Variants in ADAM32 observed in about 807,000 individuals in gnomAD.
The protein encoded by ADAM32 is disintegrin and metalloproteinase domain-containing protein 32.
Under a neutral mutation model 114.9 loss-of-function variants are expected in ADAM32, and 89 were observed. The observed-to-expected ratio is 0.77, with a 90% CI of 0.65 to 0.92. The LOEUF (loss-of-function observed/expected upper bound fraction) is 0.92. Among genes scored for constraint, ADAM32 ranks in the 40% least tolerant of loss-of-function variants. The pLI, the probability that ADAM32 is intolerant of heterozygous loss-of-function variation, is 0.00. For missense variants in ADAM32, 870 were observed against 932.8 expected (o/e 0.93, Z 0.88); for synonymous variants, 285 against 307.5 (o/e 0.93, Z 0.77).
At chr8:39,173,393 G>T (rs1011921097) in intron 10 of ADAM32, among the ~76,000 whole-genome samples, 2 of 150,308 alleles carry the variant, frequency 1.3e-5, no homozygotes, top group East Asian at 1.9e-4. Context: ...ATCTCATTGT[G>T]ATTTTAATTT....
chr8:39,235,384 TG>T (rs1810055876), intron 16 of ADAM32, among the ~76,000 whole-genome samples: 1 of 152,234 alleles, frequency 6.6e-6, no homozygotes, highest in East Asian at 1.9e-4. Flanking sequence ...TAAAGCTTAC[TG>T]TAGGTAAAGT....
chr8:39,117,184 G>A (rs1467785832), intron 1 of ADAM32, among the ~76,000 whole-genome samples: 1 of 152,180 alleles, frequency 6.6e-6, no homozygotes, highest in Admixed American at 6.5e-5. Flanking sequence ...GCCCGGCCCT[G>A]TTAAGCAGAT....
intron 9 of ADAM32, chr8:39,166,988 G>T (rs2129446294): frequency 6.6e-6 from 1 of 152,298 alleles, no homozygotes; most frequent in Non-Finnish European, 1.5e-5. Flanking sequence ...TCTGTGGGTT[G>T]TCTGTTTACT....
intron 14 of ADAM32, chr8:39,223,464 T>C: frequency 4.2e-6 from 1 of 239,538 alleles, no homozygotes; most frequent in Non-Finnish European, 7.8e-6. Flanking sequence ...ATATACGCGC[T>C]AATTCTTCTT....
chr8:39,115,808 CT>C (rs1055242253), intron 1 of ADAM32, among the ~76,000 whole-genome samples: 154 of 152,228 alleles, frequency 1.0e-3, no homozygotes, highest in African/African-American at 3.6e-3. Context: ...ATCATGAAAC[CT>C]TTGCCAAGAC....
At chr8:39,178,428 T>C (rs780712024) in intron 10 of ADAM32, among the ~76,000 whole-genome samples, 5 of 152,236 alleles carry the variant, frequency 3.3e-5, no homozygotes, top group Non-Finnish European at 7.3e-5. Flanking sequence ...TGTTTTATTA[T>C]GATTGTTAGC....
At chr8:39,250,578 G>A (rs536199911) in intron 17 of ADAM32, among the ~76,000 whole-genome samples, 2 of 151,856 alleles carry the variant, frequency 1.3e-5, no homozygotes, top group South Asian at 2.1e-4. Flanking sequence ...AGTTGTACCT[G>A]TTGTGGGGGT....
chr8:39,205,710 T>C (rs543267443), intron 11 of ADAM32, among the ~76,000 whole-genome samples: 1 of 152,370 alleles, frequency 6.6e-6, no homozygotes, highest in East Asian at 1.9e-4. Context: ...TCTTCTGCGT[T>C]GCTCAGGCTG....
At chr8:39,241,281 C>A (rs1386195589) in intron 16 of ADAM32, among the ~76,000 whole-genome samples, 2 of 152,234 alleles carry the variant, frequency 1.3e-5, no homozygotes, top group African/African-American at 2.4e-5. Flanking sequence ...TGAATGTCTG[C>A]AGCTTTTCCA....
intron 10 of ADAM32, among the ~76,000 whole-genome samples, chr8:39,183,193 A>G (rs1252489506): frequency 6.6e-6 from 1 of 152,130 alleles, no homozygotes; most frequent in Non-Finnish European, 1.5e-5. Context: ...TGGCACCTCC[A>G]TTGGCCAGAA....
At chr8:39,164,701 A>G (rs1425184267) in intron 7 of ADAM32, 63 bp from the exon 8 acceptor site, 7 of 1,304,834 alleles carry the variant, frequency 5.4e-6, no homozygotes, top group Non-Finnish European at 7.4e-6. Context: ...GTAGATGGAA[A>G]AGAATCTTAA....
chr8:39,185,265 C>A (rs1806147928), intron 10 of ADAM32, among the ~76,000 whole-genome samples: 6 of 121,564 alleles, frequency 4.9e-5, no homozygotes, highest in African/African-American at 9.2e-5. Flanking sequence ...AACTCCATCT[C>A]AAAAAAAAAA....
intron 17 of ADAM32, among the ~76,000 whole-genome samples, chr8:39,249,721 T>G (rs574293950): frequency 2.0e-3 from 310 of 152,346 alleles, no homozygotes; most frequent in Non-Finnish European, 2.5e-3. Flanking sequence ...ACTATTCTTT[T>G]TATGTAAATA....
chr8:39,117,404 T>G (rs1364937914), intron 1 of ADAM32, among the ~76,000 whole-genome samples: 1 of 152,162 alleles, frequency 6.6e-6, no homozygotes, highest in East Asian at 1.9e-4. Context: ...ATATTTTTAT[T>G]GGGAGAAATG....
chr8:39,124,657 C>A (rs1802008778), intron 2 of ADAM32, among the ~76,000 whole-genome samples: 1 of 152,082 alleles, frequency 6.6e-6, no homozygotes, highest in African/African-American at 2.4e-5. Flanking sequence ...ACCTTGTGAT[C>A]CACCGCCTTG....
intron 11 of ADAM32, among the ~76,000 whole-genome samples, chr8:39,188,655 A>G (rs934518626): frequency 1.3e-5 from 2 of 151,702 alleles, no homozygotes; most frequent in South Asian, 2.1e-4. Context: ...TCCCATTTTT[A>G]CAGATGAGAG....
intron 19 of ADAM32, among the ~76,000 whole-genome samples, chr8:39,263,186 T>C (rs535777841): frequency 2.0e-5 from 3 of 152,354 alleles, no homozygotes; most frequent in East Asian, 3.9e-4. Flanking sequence ...ATTTTTTTGC[T>C]TTATGTTCAA....
intron 3 of ADAM32, among the ~76,000 whole-genome samples, chr8:39,137,421 A>G (rs548191392): frequency 6.6e-6 from 1 of 152,308 alleles, no homozygotes; most frequent in East Asian, 1.9e-4. Flanking sequence ...AAGAGAAAAC[A>G]AAGTATTTTG....
At chr8:39,132,483 C>A (rs1385960638) in intron 2 of ADAM32, among the ~76,000 whole-genome samples, 1 of 152,136 alleles carries the variant, frequency 6.6e-6, no homozygotes, top group African/African-American at 2.4e-5. Context: ...ATTATTACAT[C>A]CATATTTTTT....
Sources: gnomAD v4.1 joint callset for allele counts (sites outside exome capture counted in the v4.1 genomes callset) on GRCh38, gnomAD v4.1.1 for gene constraint, MANE v1.5 for transcripts, NCBI Gene and HGNC (gene_info 2026-07-23, HGNC 2026-07-21) for gene names.